The following CTNNA2 variants were observed in gnomAD, a reference collection of about 807,000 sequenced individuals.
CTNNA2 encodes catenin alpha-2.
Under a neutral mutation model 101.0 loss-of-function variants are expected in CTNNA2, and 42 were observed. That is an observed-to-expected ratio of 0.42 (90% CI 0.32 to 0.54). The LOEUF is 0.54. CTNNA2 is among the 20% of genes least tolerant of loss of function. The pLI is 0.14. For missense variants in CTNNA2, 871 were observed against 1,223.1 expected (o/e 0.71, Z 4.29); for synonymous variants, 450 against 456.4 (o/e 0.99, Z 0.18).
intron 7 of CTNNA2, among the ~76,000 whole-genome samples, chr2:80,181,988 C>A (rs1192278269): frequency 1.3e-5 from 2 of 152,154 alleles, no homozygotes; most frequent in Non-Finnish European, 2.9e-5. Context: ...GTGACAACAT[C>A]TGTGTTAGTC....
At chr2:80,289,325 A>G (rs1465066508) in intron 7 of CTNNA2, 1 of 152,204 alleles carries the variant, frequency 6.6e-6, no homozygotes, top group Non-Finnish European at 1.5e-5. Context: ...GCCATTGACT[A>G]ACAGAGAGGG....
At chr2:79,794,920 G>A (rs4852163) in intron 3 of CTNNA2, among the ~76,000 whole-genome samples, 27,410 of 152,104 alleles carry the variant, frequency 0.18, 2,983 homozygotes, top group Middle Eastern at 0.26. Context: ...GTCCTATACC[G>A]GAACAGGATA....
chr2:80,128,587 C>T (rs1702255622), intron 7 of CTNNA2, among the ~76,000 whole-genome samples: 7 of 152,154 alleles, frequency 4.6e-5, no homozygotes, highest in Admixed American at 4.6e-4. Context: ...CAACTCTAAA[C>T]ACCAGAAATT....
intron 8 of CTNNA2, among the ~76,000 whole-genome samples, chr2:80,406,060 T>C (rs1275679379): frequency 6.6e-6 from 1 of 152,132 alleles, no homozygotes; most frequent in Non-Finnish European, 1.5e-5. Context: ...ACTGTAAAGC[T>C]AAAAAAGCAC....
At chr2:79,603,202 T>C (rs1167290573) in intron 1 of CTNNA2, among the ~76,000 whole-genome samples, 5 of 152,028 alleles carry the variant, frequency 3.3e-5, no homozygotes, top group Non-Finnish European at 7.4e-5. Context: ...TTACTGTCCT[T>C]AAGAAAAAAG....
intron 2 of CTNNA2, among the ~76,000 whole-genome samples, chr2:79,286,694 C>A (rs1675599901): frequency 6.6e-6 from 1 of 152,090 alleles, no homozygotes; most frequent in Non-Finnish European, 1.5e-5. Context: ...ACATTTTTTT[C>A]CTTCATTTCA....
intron 9 of CTNNA2, among the ~76,000 whole-genome samples, chr2:80,431,687 T>C (rs1218852889): frequency 6.6e-6 from 1 of 152,176 alleles, no homozygotes; most frequent in Non-Finnish European, 1.5e-5. Context: ...TCACTCCTTA[T>C]TGTACTCCCA....
chr2:80,615,543 A>ATT (rs34574552), intron 17 of CTNNA2, among the ~76,000 whole-genome samples: 18 of 150,994 alleles, frequency 1.2e-4, no homozygotes, highest in South Asian at 6.2e-4. Context: ...GTCTATGTTT[A>ATT]TTTTTTTTCC....
chr2:80,333,649 G>C (rs761106138), intron 7 of CTNNA2, among the ~76,000 whole-genome samples: 42 of 152,008 alleles, frequency 2.8e-4, no homozygotes, highest in Non-Finnish European at 5.3e-4. Context: ...GGAGGTGGTG[G>C]GGGGGATGGA....
chr2:80,427,582 T>C (rs954902997), intron 9 of CTNNA2, among the ~76,000 whole-genome samples: 12 of 152,212 alleles, frequency 7.9e-5, no homozygotes, highest in African/African-American at 2.4e-4. Flanking sequence ...GGAATCTCAA[T>C]TCTTTGCTTC....
rs1373759534 is a variant in CTNNA2, at chr2:80,485,021, C to CAAT, written c.1291-59948_1291-59946dup. 1.1e-4 allele frequency among the ~76,000 whole-genome samples: 16 copies of CAAT among 151,882 alleles called. No individual in the cohort carries two copies. In the South Asian group the frequency reaches 2.1e-3, roughly 20 times the overall value. On this transcript the variant is annotated intron_variant, in intron 9 of 18. Transcript: ENST00000402739. Reference sequence around the variant, plus strand: ...ACTCCGTCTTAAATAATAATAATAACAATAATAATAATAATGGGTCTATGA... The same window carrying CAAT: ...ACTCCGTCTTAAATAATAATAATAACAATAATAATAATAATAATGGGTCTATGA...
intron 2 of CTNNA2, among the ~76,000 whole-genome samples, chr2:79,282,752 T>G (rs1301371006): frequency 2.2e-5 from 3 of 136,356 alleles, no homozygotes; most frequent in Non-Finnish European, 3.2e-5. Context: ...GCATGATTTA[T>G]AGTCCTTCGG....
chr2:79,225,153 G>T (rs907024475), intron 2 of CTNNA2, among the ~76,000 whole-genome samples: 5 of 152,054 alleles, frequency 3.3e-5, no homozygotes, highest in Non-Finnish European at 5.9e-5. Context: ...TAGTGGAACT[G>T]CTAGGTCACA....
chr2:80,162,579 C>A (rs1216752217), intron 7 of CTNNA2: 15 of 1,610,130 alleles, frequency 9.3e-6, no homozygotes, highest in Non-Finnish European at 1.3e-5. Flanking sequence ...ATGGTCAGAC[C>A]CATGATCAGT....
intron 1 of CTNNA2, among the ~76,000 whole-genome samples, chr2:79,645,240 GC>G (rs1203313792): frequency 1.3e-5 from 2 of 152,132 alleles, no homozygotes; most frequent in African/African-American, 4.8e-5. Flanking sequence ...TCCCATCTCA[GC>G]CTCCCAAAGT....
chr2:79,320,260 A>ATTTTT (rs34694986), intron 3 of CTNNA2, among the ~76,000 whole-genome samples: 70 of 119,780 alleles, frequency 5.8e-4, no homozygotes, highest in African/African-American at 1.9e-3. Context: ...TTACGTTTCA[A>ATTTTT]TTTTTTTTTT....
At chr2:79,475,630 C>G (rs1237206879) in intron 4 of CTNNA2, among the ~76,000 whole-genome samples, 1 of 151,918 alleles carries the variant, frequency 6.6e-6, no homozygotes, top group Non-Finnish European at 1.5e-5. Context: ...TTGCCAATAT[C>G]TTTCAAATAC....
chr2:79,980,912 C>A (rs1463256056), intron 7 of CTNNA2, among the ~76,000 whole-genome samples: 3 of 151,846 alleles, frequency 2.0e-5, no homozygotes, highest in Admixed American at 6.6e-5. Flanking sequence ...AGAAACAATT[C>A]TTTCTTTCTT....
At chr2:79,999,042 T>C (rs565646211) in intron 7 of CTNNA2, among the ~76,000 whole-genome samples, 31 of 151,928 alleles carry the variant, frequency 2.0e-4, no homozygotes, top group Middle Eastern at 3.4e-3. Flanking sequence ...CTTTCAGCTC[T>C]AAAAAGCCAA....
Sources: gnomAD v4.1 joint callset for allele counts (sites outside exome capture counted in the v4.1 genomes callset) on GRCh38, gnomAD v4.1.1 for gene constraint, MANE v1.5 for transcripts, NCBI Gene and HGNC (gene_info 2026-07-23, HGNC 2026-07-21) for gene names.